Variants in LCORL observed in about 807,000 individuals in gnomAD.
LCORL encodes ligand-dependent nuclear receptor corepressor-like protein.
A neutral mutation model predicts 141.8 loss-of-function variants in LCORL; 41 were observed. The observed-to-expected ratio is 0.29, with a 90% CI of 0.23 to 0.38. The LOEUF is 0.38. Among genes scored for constraint, LCORL ranks in the 10% least tolerant of loss-of-function variants. The pLI, the probability that LCORL is intolerant of heterozygous loss-of-function variation, is 1.00. For synonymous variants in LCORL, 618 were observed against 694.1 expected (o/e 0.89, Z 1.72); for missense variants, 1,759 against 2,035.0 (o/e 0.86, Z 2.61).
At chr4:17,963,049 T>C (rs377537494) in exon 3 of LCORL, 1 of 1,568,830 alleles carries the variant, frequency 6.4e-7, no homozygotes, top group Non-Finnish European at 8.7e-7. Context: ...TGGTTCACAG[T>C]CTTTAAAAGA....
intron 4 of LCORL, among the ~76,000 whole-genome samples, chr4:17,926,839 A>G (rs955755563): frequency 1.3e-5 from 2 of 152,222 alleles, no homozygotes; most frequent in African/African-American, 4.8e-5. Flanking sequence ...CAGGCAGAGG[A>G]TATTTAGTGT....
At chr4:17,996,779 C>T (rs1330712291) in intron 1 of LCORL, among the ~76,000 whole-genome samples, 1 of 151,980 alleles carries the variant, frequency 6.6e-6, no homozygotes, top group Non-Finnish European at 1.5e-5. Flanking sequence ...ACAGAAAATT[C>T]CAGGTTCACT....
At chr4:17,923,101 T>C (rs1332337959) in intron 4 of LCORL, among the ~76,000 whole-genome samples, 1 of 152,138 alleles carries the variant, frequency 6.6e-6, no homozygotes, top group Non-Finnish European at 1.5e-5. Flanking sequence ...GTGTGATCCA[T>C]GATGAGGTGT....
rs1274746631 is a variant in LCORL, at chr4:17,998,985, A to AATAT, written c.154+22609_154+22612dup. ...GTCTCAAAAAAAAAAAAAAAAAAAA[A>AATAT]ATATATATATATATATATACACACA... On this transcript the variant is annotated intron_variant, in intron 1 of 7. Coordinates refer to ENST00000635767, the Ensembl canonical transcript of LCORL. 5.5e-3 allele frequency among the ~76,000 whole-genome samples: 316 copies of AATAT among 57,836 alleles called. 10 individuals are homozygous for AATAT. Among genetic ancestry groups the AATAT allele is most frequent in the Middle Eastern group, 0.031 (2 of 64 alleles). The allele number at this position is 57,836 out of a possible 152,430, so 37.9% of individuals were successfully genotyped here. A position where few individuals can be genotyped will look rare whatever the true frequency, so the allele number is the denominator to read the frequency against.
exon 7 of LCORL, chr4:17,876,640 C>T (rs1726954173): frequency 8.1e-7 from 1 of 1,230,670 alleles, no homozygotes; most frequent in Non-Finnish European, 1.0e-6. Context: ...GTTACATATA[C>T]AGAATACCAC....
At chr4:17,857,394 GTAA>G (rs1225554522) in intron 7 of LCORL, among the ~76,000 whole-genome samples, 3 of 152,142 alleles carry the variant, frequency 2.0e-5, no homozygotes, top group Non-Finnish European at 2.9e-5. Flanking sequence ...AAAGAACCAG[GTAA>G]TAATTTTCTG....
At chr4:17,920,983 T>C (rs1034893298) in intron 4 of LCORL, among the ~76,000 whole-genome samples, 1 of 152,222 alleles carries the variant, frequency 6.6e-6, no homozygotes, top group Non-Finnish European at 1.5e-5. Context: ...TTAATTCTGA[T>C]ATTCTGACTT....
At chr4:17,873,634 G>T in exon 7 of LCORL, 10 of 1,233,876 alleles carry the variant, frequency 8.1e-6, no homozygotes, top group Non-Finnish European at 1.0e-5. Flanking sequence ...TCTTTAGATT[G>T]CTTTTTAAAA....
chr4:17,872,736 A>G (rs1038974231), intron 7 of LCORL, among the ~76,000 whole-genome samples: 1 of 152,132 alleles, frequency 6.6e-6, no homozygotes, highest in African/African-American at 2.4e-5. Context: ...CCTCATCTTT[A>G]TATCTGTGGA....
intron 4 of LCORL, among the ~76,000 whole-genome samples, chr4:17,949,724 G>A (rs1384712425): frequency 6.6e-6 from 1 of 152,078 alleles, no homozygotes; most frequent in Non-Finnish European, 1.5e-5. Context: ...CTTAAATTCT[G>A]TTATAACAAA....
intron 6 of LCORL, among the ~76,000 whole-genome samples, chr4:17,879,540 T>A (rs1727294628): frequency 1.3e-5 from 2 of 151,092 alleles, no homozygotes; most frequent in African/African-American, 2.4e-5. Flanking sequence ...GACCCCAGTA[T>A]CCTTTCCTTT....
intron 7 of LCORL, among the ~76,000 whole-genome samples, chr4:17,847,025 G>A (rs572780319): frequency 6.6e-6 from 1 of 152,314 alleles, no homozygotes; most frequent in Admixed American, 6.5e-5. Context: ...AAAGCCTGTT[G>A]TGAAACATCT....
chr4:17,908,147 C>T (rs1233487020), intron 5 of LCORL, among the ~76,000 whole-genome samples: 1 of 152,154 alleles, frequency 6.6e-6, no homozygotes, highest in African/African-American at 2.4e-5. Flanking sequence ...ACTCTCCCGC[C>T]TCAGCCTCTC....
intron 1 of LCORL, among the ~76,000 whole-genome samples, chr4:17,995,686 T>C (rs1318545717): frequency 6.6e-6 from 1 of 152,204 alleles, no homozygotes; most frequent in Non-Finnish European, 1.5e-5. Flanking sequence ...GATTTGATAC[T>C]AGAATATTTT....
chr4:17,917,320 A>G (rs780210499), intron 4 of LCORL, among the ~76,000 whole-genome samples: 82 of 151,754 alleles, frequency 5.4e-4, no homozygotes, highest in Non-Finnish European at 1.0e-3. Context: ...AGCCTCCCCA[A>G]TAGCTGGGAT....
chr4:17,853,123 A>G (rs1175828115), intron 7 of LCORL, among the ~76,000 whole-genome samples: 1 of 151,706 alleles, frequency 6.6e-6, no homozygotes, highest in East Asian at 1.9e-4. Flanking sequence ...TCACAGAAGT[A>G]AAATGACTTA....
At chr4:17,926,002 C>T (rs187684816) in intron 4 of LCORL, among the ~76,000 whole-genome samples, 17 of 151,640 alleles carry the variant, frequency 1.1e-4, no homozygotes, top group Admixed American at 7.9e-4. Context: ...GACCTAATAT[C>T]GGCATTGAAG....
At chr4:17,896,526 C>A (rs1729953673) in intron 5 of LCORL, among the ~76,000 whole-genome samples, 1 of 152,188 alleles carries the variant, frequency 6.6e-6, no homozygotes, top group Non-Finnish European at 1.5e-5. Flanking sequence ...AGGTGATCCA[C>A]CCGCCTTGGC....
intron 4 of LCORL, among the ~76,000 whole-genome samples, chr4:17,952,182 A>G (rs564997427): frequency 2.0e-5 from 3 of 152,276 alleles, no homozygotes; most frequent in Admixed American, 2.0e-4. Flanking sequence ...TGACTGCCAT[A>G]TTAGAGACAG....
Sources: gnomAD v4.1 joint callset for allele counts (sites outside exome capture counted in the v4.1 genomes callset) on GRCh38, gnomAD v4.1.1 for gene constraint, MANE v1.5 for transcripts, NCBI Gene and HGNC (gene_info 2026-07-23, HGNC 2026-07-21) for gene names.